The following WNT6 variants were observed in gnomAD, a reference collection of about 807,000 sequenced individuals.
The protein encoded by WNT6 is protein Wnt-6.
Under a neutral mutation model 33.1 loss-of-function variants are expected in WNT6, and 27 were observed. The ratio of observed to expected loss-of-function variants is 0.82; its 90% CI spans 0.60 to 1.12. The LOEUF (loss-of-function observed/expected upper bound fraction) is 1.12. WNT6 is among the 50% of genes most tolerant of loss of function. WNT6 has a pLI of 0.00. For synonymous variants in WNT6, 249 were observed against 242.8 expected (o/e 1.03, Z -0.24); for missense variants, 494 against 535.3 (o/e 0.92, Z 0.76).
Position 218,871,956 on chromosome 2 carries a change from G to A in WNT6, c.636+137G>A, listed in dbSNP as rs573162136. 5 of 821,576 alleles carry A rather than the reference G, an allele frequency of 6.1e-6. No homozygotes were observed. Among genetic ancestry groups the A allele is most frequent in the East Asian group, 6.8e-5 (2 of 29,532 alleles). The allele number at this position is 821,576 out of a possible 1,614,324, so 50.9% of individuals were successfully genotyped here. ...AATGTGTGGGGGAGTGCGCACGGGC[G>A]GAAAGATGGGCTGCAAGCATGGATG... On this transcript the variant is annotated intron_variant, in intron 3 of 3. Transcript: ENST00000233948. The surrounding 1 kb of genome is among the most constrained non-coding windows in gnomAD (Gnocchi z 6.4).
At chr2:218,868,422 G>A (rs1458569151) in intron 1 of WNT6, among the ~76,000 whole-genome samples, 3 of 152,158 alleles carry the variant, frequency 2.0e-5, no homozygotes, top group African/African-American at 7.2e-5. Flanking sequence ...GCAACCCTGG[G>A]AAACTAGGGA....
Position 218,873,735 on chromosome 2 carries a change from C to T in WNT6, c.988C>T (p.Arg330Cys). 6.3e-7 allele frequency: 1 copy of T among 1,579,308 alleles called. No individual in the cohort carries two copies. Among genetic ancestry groups the T allele is most frequent in the South Asian group, 1.1e-5 (1 of 87,768 alleles). ...CCTGCTGTGCTGCGGCCGCGGGCACCGCCAGGAGAGCGTGCAGCTCGAAGA... is the reference window on the plus strand; with the variant it reads ...CCTGCTGTGCTGCGGCCGCGGGCACTGCCAGGAGAGCGTGCAGCTCGAAGA... The part of the protein sequence containing the change: ...CDLLCCGRGH[R>C]QESVQLEENC... Residue 330 changes from arginine (R) to cysteine (C), a missense_variant, in exon 4 of 4, where the codon CGC (arginine) becomes TGC (cysteine). Arg to Cys is a radical substitution (Grantham distance 180). Coordinates refer to ENST00000233948, the MANE Select transcript of WNT6 (RefSeq NM_006522.4). The surrounding 1 kb of genome is among the most constrained non-coding windows in gnomAD (Gnocchi z 6.1).
rs145190407 is a variant in WNT6, at chr2:218,872,604, T to C, written c.637-780T>C. ...ACTCAGGAGGTGGGAGTGGGACACA[T>C]GGTCAGGTTAGCCCCTGGACTCTGA... On this transcript the variant is annotated intron_variant, in intron 3 of 3. Transcript: ENST00000233948. 3.5e-3 allele frequency among the ~76,000 whole-genome samples: 526 copies of C among 152,184 alleles called. 6 individuals are homozygous for C. Among genetic ancestry groups the C allele is most frequent in the African/African-American group, 0.012 (480 of 41,520 alleles).
At chr2:218,863,497 C>T (rs915016767) in intron 1 of WNT6, among the ~76,000 whole-genome samples, 1 of 152,172 alleles carries the variant, frequency 6.6e-6, no homozygotes, top group Non-Finnish European at 1.5e-5. Flanking sequence ...TGAGAAGTTT[C>T]TCTCCCACCT....
At chr2:218,861,066 A>G (rs556773811) in intron 1 of WNT6, among the ~76,000 whole-genome samples, 1 of 152,234 alleles carries the variant, frequency 6.6e-6, no homozygotes, top group African/African-American at 2.4e-5. Context: ...AATCCTAAGA[A>G]GGCAGGGTCG....
At chr2:218,872,341 C>T (rs957136016) in intron 3 of WNT6, among the ~76,000 whole-genome samples, 2 of 152,104 alleles carry the variant, frequency 1.3e-5, no homozygotes. Context: ...TGGAAAAGAG[C>T]GAAGGACAAG....
intron 1 of WNT6, among the ~76,000 whole-genome samples, chr2:218,866,230 A>G (rs1944353624): frequency 2.0e-5 from 3 of 151,690 alleles, no homozygotes; most frequent in African/African-American, 7.3e-5. Flanking sequence ...CAGTGTGGGG[A>G]CCTTGGGAGT....
In WNT6 at chr2:218,871,531, C is replaced by G. The variant is rs1944400988; in HGVS notation, c.348C>G (p.Ala116=). The G allele has an allele frequency of 6.3e-7, 1 of 1,598,186 alleles. No homozygotes were observed. The highest frequency in any genetic ancestry group is 1.3e-5 in the African/African-American group (1 of 74,880). Residue 116 remains alanine, a synonymous_variant, in exon 3 of 4, where the codon GCC becomes GCG. Transcript: ENST00000233948. The surrounding 1 kb of genome is among the most constrained non-coding windows in gnomAD (Gnocchi z 6.4). ...AFVFAITAAG[A]SHAVTQACSM... Reference sequence around the variant, plus strand: ...TGTTCGCCATCACTGCGGCCGGCGCCAGCCACGCCGTCACGCAGGCCTGTT... The same window carrying G: ...TGTTCGCCATCACTGCGGCCGGCGCGAGCCACGCCGTCACGCAGGCCTGTT...
At chr2:218,862,997 G>A (rs987346880) in intron 1 of WNT6, among the ~76,000 whole-genome samples, 5 of 152,326 alleles carry the variant, frequency 3.3e-5, no homozygotes, top group African/African-American at 1.2e-4. Flanking sequence ...GAGCCATTGT[G>A]CCTGGTCACT....
chr2:218,870,535 G>C, intron 1 of WNT6, among the ~76,000 whole-genome samples: 1 of 152,130 alleles, frequency 6.6e-6, no homozygotes, highest in South Asian at 2.1e-4. Flanking sequence ...CTTTCATCCG[G>C]GCTGTTCAGC....
intron 3 of WNT6, among the ~76,000 whole-genome samples, chr2:218,872,137 C>A (rs1944408244): frequency 6.6e-6 from 1 of 152,050 alleles, no homozygotes; most frequent in Non-Finnish European, 1.5e-5. Context: ...GAGGGCACAG[C>A]TTCAAGACAG....
Position 218,874,094 on chromosome 2 carries a change from T to A in WNT6, c.*249T>A. On this transcript the variant is annotated 3_prime_UTR_variant, in exon 4 of 4. Transcript: ENST00000233948. ...TAAAGGACACTGTACAGGCCCTCCC[T>A]CCCCTTGGCCTCTAGGAGGAAACAG... is the stretch of plus-strand genomic sequence containing the variant. 1 of 459,206 alleles carries A rather than the reference T, an allele frequency of 2.2e-6. No individual in the cohort carries two copies. Among genetic ancestry groups the A allele is most frequent in the Non-Finnish European group, 3.8e-6 (1 of 266,244 alleles). 28.4% of individuals were successfully genotyped at this position (459,206 alleles called of 1,614,324 possible).
chr2:218,870,503 C>A (rs1308972904), intron 1 of WNT6, among the ~76,000 whole-genome samples: 2 of 152,212 alleles, frequency 1.3e-5, no homozygotes, highest in African/African-American at 2.4e-5. Context: ...GTGGCATTCT[C>A]TCTCCCTGGG....
chr2:218,862,554 GT>G (rs1354011402), intron 1 of WNT6, among the ~76,000 whole-genome samples: 2 of 151,768 alleles, frequency 1.3e-5, no homozygotes, highest in Non-Finnish European at 2.9e-5. Context: ...TTTAGTAGAG[GT>G]TTCACCAGGT....
rs141593191 is a variant in WNT6, at chr2:218,873,782, C to T, written c.1035C>T (p.His345=). 6.3e-7 allele frequency: 1 copy of T among 1,587,842 alleles called. No homozygotes were observed. Among genetic ancestry groups the T allele is most frequent in the African/African-American group, 1.4e-5 (1 of 73,500 alleles). The change falls in exon 4 of 4, where the codon CAC becomes CAT. Residue 345 remains histidine (H), a synonymous_variant. Transcript: ENST00000233948. This position sits in a 1 kb window ranked among gnomAD's most constrained non-coding sequence, Gnocchi z 6.1. ...AAGAGAACTGCCTGTGCCGCTTCCA[C>T]TGGTGCTGCGTAGTACAGTGCCACC... ...QLEENCLCRF[H]WCCVVQCHRC... is the part of the protein sequence containing the mutation.
chr2:218,873,872 T>A lies in WNT6; in HGVS notation c.*27T>A. 5 of 1,424,446 alleles carry A rather than the reference T, an allele frequency of 3.5e-6. No individual in the cohort carries two copies. The highest frequency in any genetic ancestry group is 4.6e-6 in the Non-Finnish European group (5 of 1,094,196). The allele number at this position is 1,424,446 out of a possible 1,614,324, so 88.2% of individuals were successfully genotyped here. ...CCGCCGCCCGGCCGCTAGACTGACTTCGCGCAGCGGTGGCTCGCACCTGTG... is the reference window on the plus strand; with the variant it reads ...CCGCCGCCCGGCCGCTAGACTGACTACGCGCAGCGGTGGCTCGCACCTGTG... On this transcript the variant is annotated 3_prime_UTR_variant, in exon 4 of 4. Coordinates refer to ENST00000233948, the MANE Select transcript of WNT6 (RefSeq NM_006522.4). This position sits in a 1 kb window ranked among gnomAD's most constrained non-coding sequence, Gnocchi z 6.1.
Position 218,873,398 on chromosome 2 carries a change from C to G in WNT6, c.651C>G (p.His217Gln). 1 of 1,536,004 alleles carries G rather than the reference C, an allele frequency of 6.5e-7. No individual in the cohort carries two copies. The highest frequency in any genetic ancestry group is 8.7e-7 in the Non-Finnish European group (1 of 1,146,168). The change falls in exon 4 of 4, where the codon CAC becomes CAG. Residue 217 changes from histidine to glutamine, a missense_variant. Coordinates refer to ENST00000233948, the MANE Select transcript of WNT6 (RefSeq NM_006522.4). This position sits in a 1 kb window ranked among gnomAD's most constrained non-coding sequence, Gnocchi z 6.1. ...GCCTCCCGCAGGCCGTGCGGAGCCA[C>G]ACGCGCACCGAGTGCAAATGCCACG... The part of the protein sequence containing the change: ...NEAGRLAVRS[H>Q]TRTECKCHGL...
rs775964498 is a variant in WNT6 at position 218,873,851 on chromosome 2, C to G, written c.*6C>G. Reference sequence around the variant, plus strand: ...AGCTCAGCCTCTGCCTGTGACCCGCCGCCCGGCCGCTAGACTGACTTCGCG... The same window carrying G: ...AGCTCAGCCTCTGCCTGTGACCCGCGGCCCGGCCGCTAGACTGACTTCGCG... On this transcript the variant is annotated 3_prime_UTR_variant, in exon 4 of 4. Coordinates refer to ENST00000233948, the MANE Select transcript of WNT6 (RefSeq NM_006522.4). The surrounding 1 kb of genome is among the most constrained non-coding windows in gnomAD (Gnocchi z 6.1). The G allele has an allele frequency of 6.8e-6, 10 of 1,464,062 alleles. No homozygotes were observed. Among genetic ancestry groups the G allele is most frequent in the Non-Finnish European group, 8.1e-6 (9 of 1,113,062 alleles). The allele number at this position is 1,464,062 out of a possible 1,614,324, so 90.7% of individuals were successfully genotyped here.
At position 218,871,265 on chromosome 2, in the gene WNT6, G is replaced by A. The variant is rs779295364; in HGVS notation, c.301+18G>A. On this transcript the variant is annotated intron_variant, in intron 2 of 3. Coordinates refer to ENST00000233948, the MANE Select transcript of WNT6 (RefSeq NM_006522.4). The surrounding 1 kb of genome is among the most constrained non-coding windows in gnomAD (Gnocchi z 6.4). Reference sequence around the variant, plus strand: ...GCAACAGGGTCAGTGTGGGGAGGGGGCGGAAGTGGGGCTGCTTTCTCCCTG... The same window carrying A: ...GCAACAGGGTCAGTGTGGGGAGGGGACGGAAGTGGGGCTGCTTTCTCCCTG... 1.2e-5 allele frequency: 19 copies of A among 1,593,314 alleles called. No individual in the cohort carries two copies. In the South Asian group the frequency reaches 1.9e-4, roughly 16 times the overall value.
Sources: gnomAD v4.1 joint callset for allele counts (sites outside exome capture counted in the v4.1 genomes callset) on GRCh38, gnomAD v4.1.1 for gene constraint, Gnocchi (gnomAD v3.1) non-coding constraint, MANE v1.5 for transcripts, NCBI Gene and HGNC (gene_info 2026-07-23, HGNC 2026-07-21) for gene names.